FRAS1: variants seen among roughly 807,000 people sequenced by gnomAD.
FRAS1 encodes the protein extracellular matrix organizing protein FRAS1.
A neutral mutation model predicts 435.2 loss-of-function variants in FRAS1; 290 were observed. That is an observed-to-expected ratio of 0.67 (90% CI 0.61 to 0.73). The LOEUF (loss-of-function observed/expected upper bound fraction) is 0.73, where lower values mean the gene tolerates loss of function less well. Among genes scored for constraint, FRAS1 ranks in the 30% least tolerant of loss-of-function variants. The probability of loss-of-function intolerance (pLI) is 0.00; values close to 1 mark genes in which losing one functional copy is unlikely to be tolerated. For missense variants in FRAS1, 4,860 were observed against 5,001.5 expected (o/e 0.97, Z 0.85); for synonymous variants, 1,800 against 1,851.0 (o/e 0.97, Z 0.71).
At chr4:78,277,696 T>C (rs1008455723) in intron 9 of FRAS1, among the ~76,000 whole-genome samples, 1 of 152,128 alleles carries the variant, frequency 6.6e-6, no homozygotes, top group Non-Finnish European at 1.5e-5. Context: ...TTTATTATTT[T>C]GTAAAAAAAT....
chr4:78,399,254 C>T (rs34141392), intron 29 of FRAS1, among the ~76,000 whole-genome samples: 14,773 of 152,166 alleles, frequency 0.097, 749 homozygotes, highest in African/African-American at 0.1. Flanking sequence ...CAGTAGCCAT[C>T]ACTGACTCCT....
chr4:78,515,711 T>C, intron 65 of FRAS1, 88 bp from the exon 66 acceptor site: 3 of 1,204,292 alleles, frequency 2.5e-6, no homozygotes, highest in Non-Finnish European at 3.6e-6. Context: ...AAAGTGCTTT[T>C]AGTGCAAAAG....
At position 78,114,054 on chromosome 4, in the gene FRAS1, C is replaced by T. The variant is rs188720763; in HGVS notation, c.108+48038C>T. ...TTTCAGCTTTCTATATATGGCTAGCCAGTTTTCCCAGCACCATTTATTAAA... is the reference window on the plus strand; with the variant it reads ...TTTCAGCTTTCTATATATGGCTAGCTAGTTTTCCCAGCACCATTTATTAAA... On this transcript the variant is annotated intron_variant, in intron 2 of 73. Transcript: ENST00000512123. Among the ~76,000 whole-genome samples the T allele has an allele frequency of 1.3e-3, 201 of 152,228 alleles. 1 individual carries two copies. The South Asian group carries it at 0.018, about 13-fold the overall frequency.
intron 2 of FRAS1, among the ~76,000 whole-genome samples, chr4:78,088,348 C>T (rs187427201): frequency 0.017 from 2,644 of 152,202 alleles, 31 homozygotes; most frequent in Non-Finnish European, 0.03. Context: ...TAGGCAATAC[C>T]ATTCAGGACA....
At chr4:78,066,380 C>A (rs1502883) in intron 2 of FRAS1, among the ~76,000 whole-genome samples, 37,513 of 151,954 alleles carry the variant, frequency 0.25, 5,004 homozygotes, top group East Asian at 0.35. Flanking sequence ...CCACTTTGAA[C>A]CCTTCTCCAA....
chr4:78,522,721 G>C lies in FRAS1; in HGVS notation c.10721G>C (p.Gly3574Ala). Residue 3574 changes from glycine to alanine, a missense_variant, in exon 69 of 74, where the codon GGA becomes GCA. Physicochemically the swap from Gly to Ala is moderately conservative, Grantham distance 60 (BLOSUM62 0). Transcript: ENST00000512123. ...SFVLTPDHLG[G>A]IEFDLQLLWS... Reference sequence around the variant, plus strand: ...GTATTGACTCCAGACCACCTAGGAGGAATTGAATTTGACTTGCAGCTATTA... The same window carrying C: ...GTATTGACTCCAGACCACCTAGGAGCAATTGAATTTGACTTGCAGCTATTA... 6.2e-7 allele frequency: 1 copy of C among 1,611,976 alleles called. No homozygotes were observed. Among genetic ancestry groups the C allele is most frequent in the Non-Finnish European group, 8.5e-7 (1 of 1,178,964 alleles).
chr4:78,364,149 A>G, intron 22 of FRAS1, 95 bp downstream of exon 22: 1 of 1,333,196 alleles, frequency 7.5e-7, no homozygotes, highest in Non-Finnish European at 1.0e-6. Context: ...CCATCTTCTC[A>G]CCTGGTAGCC....
At chr4:78,396,245 T>G (rs1732658217) in intron 29 of FRAS1, among the ~76,000 whole-genome samples, 1 of 152,224 alleles carries the variant, frequency 6.6e-6, no homozygotes. Context: ...CTTCTAACTT[T>G]TACACTAGAG....
intron 61 of FRAS1, among the ~76,000 whole-genome samples, chr4:78,502,019 G>A (rs1720698268): frequency 1.3e-5 from 2 of 152,192 alleles, no homozygotes. Flanking sequence ...TCAAAGATCA[G>A]ATGGTTGTAA....
Position 78,267,333 on chromosome 4 carries a change from G to A in FRAS1, c.882G>A (p.Gln294=). The change falls in exon 9 of 74, where the codon CAG becomes CAA. Residue 294 remains glutamine, a synonymous_variant. Coordinates refer to ENST00000512123, the MANE Select transcript of FRAS1 (RefSeq NM_025074.7). ...CCTATGATGGAGTTGTGCGGTACCA[G>A]GACGAAATGTGGAAGGGCTCGGCCT... The part of the protein sequence containing the change: ...SCSYDGVVRY[Q]DEMWKGSACE... The A allele has an allele frequency of 6.2e-7, 1 of 1,613,888 alleles. No individual in the cohort carries two copies.
intron 65 of FRAS1, among the ~76,000 whole-genome samples, 152 bp downstream of exon 65, chr4:78,513,704 T>G (rs1041396727): frequency 2.0e-5 from 3 of 152,222 alleles, no homozygotes; most frequent in Admixed American, 6.5e-5. Flanking sequence ...GCAAATGCCA[T>G]CAGTTCAGTC....
At chr4:78,289,265 T>C (rs1367637589) in intron 14 of FRAS1, among the ~76,000 whole-genome samples, 1 of 144,934 alleles carries the variant, frequency 6.9e-6, no homozygotes, top group Non-Finnish European at 1.5e-5. Flanking sequence ...CTCTTGAGTT[T>C]AGGGGTATAT....
At position 78,508,982 on chromosome 4, in the gene FRAS1, A is replaced by G. The variant is rs745741961; in HGVS notation, c.9756A>G (p.Thr3252=). 7 of 1,613,828 alleles carry G rather than the reference A, an allele frequency of 4.3e-6. No individual in the cohort carries two copies. The change falls in exon 63 of 74, where the codon ACA becomes ACG. Residue 3252 remains threonine, a synonymous_variant. Transcript: ENST00000512123. ...CCTTTGAAACCATCACTGACAACACACCATTCACCAGTGTCAACCACATGG... is the reference window on the plus strand; with the variant it reads ...CCTTTGAAACCATCACTGACAACACGCCATTCACCAGTGTCAACCACATGG... ...RSPFETITDN[T]PFTSVNHMVL...
chr4:78,091,009 T>A (rs1741486804), intron 2 of FRAS1, among the ~76,000 whole-genome samples: 1 of 152,152 alleles, frequency 6.6e-6, no homozygotes, highest in Non-Finnish European at 1.5e-5. Context: ...ATAATTGAAT[T>A]TGGGTTTTAG....
chr4:78,256,454 G>A lies in FRAS1; in HGVS notation c.603+1079G>A, dbSNP rs146533374. 2.0e-3 allele frequency among the ~76,000 whole-genome samples: 305 copies of A among 152,248 alleles called. 1 individual carries two copies. The highest frequency in any genetic ancestry group is 6.5e-3 in the African/African-American group (272 of 41,532). ...AGCCCATTTTGGGGCCTAGTCCCTT[G>A]GGGTAGGAAGGATAATTAAGCAGTT... On this transcript the variant is annotated intron_variant, in intron 6 of 73. Coordinates refer to ENST00000512123, the MANE Select transcript of FRAS1 (RefSeq NM_025074.7).
At chr4:78,326,018 A>C (rs1161631046) in intron 18 of FRAS1, among the ~76,000 whole-genome samples, 1 of 152,192 alleles carries the variant, frequency 6.6e-6, no homozygotes, top group Non-Finnish European at 1.5e-5. Flanking sequence ...CTGGAGATGC[A>C]GGGTGTGTGT....
intron 2 of FRAS1, among the ~76,000 whole-genome samples, chr4:78,089,356 C>T (rs946785223): frequency 4.6e-5 from 7 of 151,634 alleles, no homozygotes; most frequent in Non-Finnish European, 8.8e-5. Context: ...GTGCAGCACA[C>T]CAACATAGCA....
chr4:78,416,824 G>T (rs548851758), intron 32 of FRAS1, among the ~76,000 whole-genome samples: 2 of 152,222 alleles, frequency 1.3e-5, no homozygotes, highest in Admixed American at 6.5e-5. Context: ...GAGTGTAGGG[G>T]AGGCAAGAGA....
chr4:78,170,953 C>T (rs1246887080), intron 2 of FRAS1, among the ~76,000 whole-genome samples: 21 of 151,918 alleles, frequency 1.4e-4, no homozygotes, highest in Admixed American at 1.4e-3. Flanking sequence ...GCATCCCATT[C>T]CACTCTCTCT....
Sources: gnomAD v4.1 joint callset for allele counts (sites outside exome capture counted in the v4.1 genomes callset) on GRCh38, gnomAD v4.1.1 for gene constraint, MANE v1.5 for transcripts, NCBI Gene and HGNC (gene_info 2026-07-23, HGNC 2026-07-21) for gene names.